The following PACRGL variants were observed in gnomAD, a reference collection of about 807,000 sequenced individuals.
The protein encoded by PACRGL is PACRG-like protein.
PACRGL carries 38 observed loss-of-function variants against 34.5 expected under a neutral mutation model. The observed-to-expected ratio is 1.10, with a 90% CI of 0.85 to 1.44. The LOEUF is 1.44. Ranked by LOEUF, PACRGL falls within the 40% of genes most tolerant of loss-of-function variation. The pLI, the probability that PACRGL is intolerant of heterozygous loss-of-function variation, is 0.00. For missense variants in PACRGL, 305 were observed against 281.4 expected (o/e 1.08, Z -0.60); for synonymous variants, 128 against 100.1 (o/e 1.28, Z -1.66).
chr4:20,765,897 CAT>C, the PACRGL span, among the ~76,000 whole-genome samples: 2 of 152,212 alleles, frequency 1.3e-5, no homozygotes, highest in South Asian at 2.1e-4. Flanking sequence ...TGTGGGGACA[CAT>C]GTGAGGGTCA....
downstream of PACRGL, chr4:20,734,590 G>T (rs759776908): frequency 2.2e-6 from 2 of 921,768 alleles, no homozygotes; most frequent in African/African-American, 1.7e-5. Flanking sequence ...AAATGAAAAT[G>T]GTCCAAATTA....
chr4:20,712,877 T>TATTCCTTTGCTACCTAGACTG lies in PACRGL; in HGVS notation c.463_483dup (p.Leu155_Pro161dup). The TATTCCTTTGCTACCTAGACTG allele has an allele frequency of 6.2e-7, 1 of 1,605,966 alleles. No individual in the cohort carries two copies. Among genetic ancestry groups the TATTCCTTTGCTACCTAGACTG allele is most frequent in the Non-Finnish European group, 8.5e-7 (1 of 1,175,124 alleles). The stretch of plus-strand genomic sequence containing the variant: ...TGGTCAAAGGTGCTCCTGAAAAAGC[T>TATTCCTTTGCTACCTAGACTG]ATTCCTTTGCTACCTAGACTGATTC... On this transcript the variant is annotated inframe_insertion, in exon 6 of 9. Coordinates refer to ENST00000503585, the MANE Select transcript of PACRGL (RefSeq NM_001258345.3).
chr4:20,699,412 T>G (rs1300223447), upstream of PACRGL, among the ~76,000 whole-genome samples: 1 of 152,168 alleles, frequency 6.6e-6, no homozygotes, highest in Non-Finnish European at 1.5e-5. Context: ...AAATTAGACA[T>G]AGACAGAATT....
At chr4:20,734,997 A>G (rs1383505230), downstream of PACRGL, among the ~76,000 whole-genome samples, 2 of 152,220 alleles carry the variant, frequency 1.3e-5, no homozygotes, top group African/African-American at 4.8e-5. Context: ...CCACACAGCT[A>G]GAGGCTTGAG....
At position 20,751,538 on chromosome 4, in the gene PACRGL, G is replaced by GA. The variant is rs34470537; in HGVS notation, c.*57-1017dup. 2.6e-3 allele frequency among the ~76,000 whole-genome samples: 381 copies of GA among 147,486 alleles called. 8 individuals are homozygous for GA. The South Asian group carries it at 0.047, about 18-fold the overall frequency. On this transcript the variant is annotated intron_variant, in intron 8 of 8. Coordinates refer to the PACRGL transcript ENST00000507634. ...TGTGTTGAACTGATTTTCAGAGGAGGAAAAAAAAAAGAGATTTTGCATATT... is the reference window on the plus strand; with the variant it reads ...TGTGTTGAACTGATTTTCAGAGGAGGAAAAAAAAAAAGAGATTTTGCATATT...
Position 20,731,683 on chromosome 4 carries a change from G to A in PACRGL, c.*4342G>A. On this transcript the variant is annotated 3_prime_UTR_variant, in exon 9 of 9. Coordinates refer to ENST00000503585, the MANE Select transcript of PACRGL (RefSeq NM_001258345.3). The stretch of plus-strand genomic sequence containing the variant: ...ATAGATAATATATGAGTGATGCTAA[G>A]TTTTGGCAAAGAGCAATTCAAATCT... 1.0e-6 allele frequency: 1 copy of A among 985,308 alleles called. No homozygotes were observed. The highest frequency in any genetic ancestry group is 1.2e-6 in the Non-Finnish European group (1 of 829,866). The allele number at this position is 985,308 out of a possible 1,614,324, so 61.0% of individuals were successfully genotyped here.
intron 8 of PACRGL, chr4:20,749,798 C>T (rs757747371): frequency 1.8e-5 from 19 of 1,042,850 alleles, no homozygotes; most frequent in South Asian, 4.4e-5. Flanking sequence ...ACTTGGATAG[C>T]AGTCCAAGCT....
chr4:20,741,700 G>A (rs1751153502), intron 8 of PACRGL, among the ~76,000 whole-genome samples: 1 of 152,046 alleles, frequency 6.6e-6, no homozygotes, highest in African/African-American at 2.4e-5. Flanking sequence ...GCTAGCAGAA[G>A]GCAAGAAATA....
At position 20,704,712 on chromosome 4, in the gene PACRGL, A is replaced by G; in HGVS notation, c.105A>G (p.Ala35=). The G allele has an allele frequency of 6.2e-7, 1 of 1,614,148 alleles. No homozygotes were observed. The highest frequency in any genetic ancestry group is 1.1e-5 in the South Asian group (1 of 91,088). Residue 35 remains alanine, a synonymous_variant, in exon 3 of 9, where the codon GCA becomes GCG. Coordinates refer to ENST00000503585, the MANE Select transcript of PACRGL (RefSeq NM_001258345.3). The part of the protein sequence containing the change: ...SSSTQLKHRN[A]VQGSKSSLST... The stretch of plus-strand genomic sequence containing the variant: ...GCACACAGTTAAAACACAGGAATGC[A>G]GTTCAGGGAAGCAAATCCTCATTGT...
chr4:20,715,524 A>AT (rs1367212135), intron 7 of PACRGL, among the ~76,000 whole-genome samples: 4 of 151,876 alleles, frequency 2.6e-5, no homozygotes, highest in Admixed American at 1.3e-4. Flanking sequence ...CAGTATTACT[A>AT]TTTTTTTTAA....
At chr4:20,704,890 G>C (rs888776630) in intron 3 of PACRGL, 76 bp downstream of exon 3, 55 of 1,505,506 alleles carry the variant, frequency 3.7e-5, no homozygotes, top group Non-Finnish European at 4.9e-5. Flanking sequence ...GCTGGATGCT[G>C]TGTTGAGTTT....
chr4:20,709,837 C>T (rs760493003), intron 5 of PACRGL, 64 bp downstream of exon 5: 2 of 1,338,684 alleles, frequency 1.5e-6, no homozygotes, highest in South Asian at 1.2e-5. Flanking sequence ...TTAAATGCTA[C>T]TTTGTAGCTT....
chr4:20,717,858 C>T (rs1163019806), intron 7 of PACRGL, among the ~76,000 whole-genome samples: 1 of 152,108 alleles, frequency 6.6e-6, no homozygotes, highest in Non-Finnish European at 1.5e-5. Flanking sequence ...TAGTTCTTTT[C>T]CAATTCTGTG....
At chr4:20,710,155 C>T (rs947096338) in intron 5 of PACRGL, among the ~76,000 whole-genome samples, 2 of 152,110 alleles carry the variant, frequency 1.3e-5, no homozygotes, top group Non-Finnish European at 2.9e-5. Flanking sequence ...TACAACCAAT[C>T]GTGTTGACAT....
chr4:20,740,653 G>A (rs1241497767), intron 8 of PACRGL, among the ~76,000 whole-genome samples: 1 of 152,176 alleles, frequency 6.6e-6, no homozygotes, highest in Non-Finnish European at 1.5e-5. Flanking sequence ...AGGCTAGGAA[G>A]AAACTGCATC....
chr4:20,764,244 T>C, the PACRGL span, among the ~76,000 whole-genome samples: 34,159 of 152,068 alleles, frequency 0.22, 4,076 homozygotes, highest in East Asian at 0.33. Flanking sequence ...TAAGAGTATA[T>C]TGGTCATTTA....
chr4:20,708,898 G>A (rs556068804), intron 4 of PACRGL, among the ~76,000 whole-genome samples: 42 of 152,008 alleles, frequency 2.8e-4, no homozygotes, highest in South Asian at 4.2e-4. Flanking sequence ...AGGCCAAGGC[G>A]GGTGGATCAC....
At chr4:20,719,252 A>G (rs139883739) in intron 7 of PACRGL, among the ~76,000 whole-genome samples, 2,867 of 152,086 alleles carry the variant, frequency 0.019, 42 homozygotes, top group Non-Finnish European at 0.03. Flanking sequence ...CAGTCTATCA[A>G]TTTTGTTGAT....
the PACRGL span, among the ~76,000 whole-genome samples, chr4:20,766,391 C>T: frequency 6.6e-6 from 1 of 152,024 alleles, no homozygotes; most frequent in South Asian, 2.1e-4. Context: ...CATGGTGAAA[C>T]CCTGTCTGTA....
Sources: gnomAD v4.1 joint callset for allele counts (sites outside exome capture counted in the v4.1 genomes callset) on GRCh38, gnomAD v4.1.1 for gene constraint, MANE v1.5 for transcripts, NCBI Gene and HGNC (gene_info 2026-07-23, HGNC 2026-07-21) for gene names.